Variants in ACACA observed in about 807,000 individuals in gnomAD.
ACACA encodes the protein acetyl-CoA carboxylase 1.
In ACACA, 103 loss-of-function variants were observed where a neutral mutation model predicts 296.1. The ratio of observed to expected loss-of-function variants is 0.35; its 90% CI spans 0.30 to 0.41. ACACA has a LOEUF of 0.41. Among genes scored for constraint, ACACA ranks in the 10% least tolerant of loss-of-function variants. The pLI, the probability that ACACA is intolerant of heterozygous loss-of-function variation, is 1.00. For synonymous variants in ACACA, 953 were observed against 1,038.6 expected (o/e 0.92, Z 1.58); for missense variants, 1,554 against 2,989.7 (o/e 0.52, Z 11.20).
At position 37,230,082 on chromosome 17, in the gene ACACA, A is replaced by AAAATT. The variant is rs531414295; in HGVS notation, c.3247-3635_3247-3631dup. 1.7e-3 allele frequency among the ~76,000 whole-genome samples: 257 copies of AAAATT among 151,028 alleles called. 2 individuals carry two copies. In the South Asian group the frequency reaches 0.018, roughly 10 times the overall value. ...GTCTCAAAATAAAATAAAATAAAAT[A>AAAATT]AAATTAAAATAAATAAATAAGGCCG... On this transcript the variant is annotated intron_variant, in intron 25 of 55. Coordinates refer to ENST00000616317, the MANE Select transcript of ACACA (RefSeq NM_198834.3).
Position 37,188,450 on chromosome 17 carries a change from G to T in ACACA, c.4603C>A (p.Arg1535=). The T allele has an allele frequency of 6.2e-7, 1 of 1,613,138 alleles. No individual in the cohort carries two copies. Among genetic ancestry groups the T allele is most frequent in the South Asian group, 1.1e-5 (1 of 91,022 alleles). The change falls in exon 39 of 56, where the codon CGG becomes AGG. Residue 1535 remains arginine (R), a synonymous_variant. Coordinates refer to ENST00000616317, the MANE Select transcript of ACACA (RefSeq NM_198834.3). The part of the protein sequence containing the change: ...IEESVRSMVM[R]YGSRLWKLRV... Reference sequence around the variant, plus strand: ...AATTTCCACAGGCGACTTCCATACCGCATTACCATGCTCCGCACGGATTCC... The same window carrying T: ...AATTTCCACAGGCGACTTCCATACCTCATTACCATGCTCCGCACGGATTCC...
At chr17:37,179,478 C>A in intron 40 of ACACA, 72 bp from the exon 41 acceptor site, 1 of 1,552,288 alleles carries the variant, frequency 6.4e-7, no homozygotes, top group East Asian at 2.3e-5. Context: ...TATTAAGATT[C>A]AGTCAATCTG....
At chr17:37,204,722 CAAA>C (rs1299452360) in intron 33 of ACACA, among the ~76,000 whole-genome samples, 2 of 152,062 alleles carry the variant, frequency 1.3e-5, no homozygotes, top group South Asian at 2.1e-4. Flanking sequence ...AAGAGGAAGT[CAAA>C]GAAGTATAAT....
At chr17:37,158,833 C>T (rs1414010637) in intron 42 of ACACA, among the ~76,000 whole-genome samples, 1 of 151,972 alleles carries the variant, frequency 6.6e-6, no homozygotes, top group African/African-American at 2.4e-5. Flanking sequence ...ACTTCTTGGT[C>T]CTGCTGCAGC....
chr17:37,106,748 C>T (rs1276135554), intron 52 of ACACA, among the ~76,000 whole-genome samples: 5 of 152,066 alleles, frequency 3.3e-5, no homozygotes, highest in East Asian at 1.9e-4. Context: ...GGTCAGGATA[C>T]GGGGATCTGG....
In ACACA at chr17:37,113,205, C is replaced by G; in HGVS notation, c.6335G>C (p.Cys2112Ser). 1 of 1,614,214 alleles carries G rather than the reference C, an allele frequency of 6.2e-7. No homozygotes were observed. The highest frequency in any genetic ancestry group is 8.5e-7 in the Non-Finnish European group (1 of 1,180,028). The change falls in exon 51 of 56, where the codon TGC becomes TCC. Residue 2112 changes from cysteine (C) to serine (S), a missense_variant. Cys to Ser is a moderately radical substitution (Grantham distance 112, BLOSUM62 -1). Coordinates refer to ENST00000616317, the MANE Select transcript of ACACA (RefSeq NM_198834.3). The surrounding 1 kb of genome is among the most constrained non-coding windows in gnomAD (Gnocchi z 4.0). ...AYIVDGLREC[C>S]QPVLVYIPPQ... ...AGGAATGTAAACCAGCACAGGCTGG[C>G]AGCACTCCCTCAAGCCATCCACAAT...
intron 2 of ACACA, among the ~76,000 whole-genome samples, chr17:37,335,965 C>T (rs1270276071): frequency 6.6e-6 from 1 of 152,078 alleles, no homozygotes; most frequent in East Asian, 1.9e-4. Context: ...AAAGGAGCTG[C>T]AAAACACTGG....
chr17:37,210,890 T>C (rs1181738529), intron 29 of ACACA, among the ~76,000 whole-genome samples: 1 of 152,202 alleles, frequency 6.6e-6, no homozygotes, highest in East Asian at 1.9e-4. Flanking sequence ...TCTTAGAGAC[T>C]CTTCTTTCTT....
At position 37,094,974 on chromosome 17, in the gene ACACA, A is replaced by G. The variant is rs79774259; in HGVS notation, c.6891+2022T>C. ...CCAGGAGCTTGTACACACGTGGTCA[A>G]CTGTTCTCTCCATTGATAAGAGACG... On this transcript the variant is annotated intron_variant, in intron 54 of 55. Transcript: ENST00000616317. Among the ~76,000 whole-genome samples the G allele has an allele frequency of 7.1e-3, 1,088 of 152,360 alleles. 5 individuals are homozygous for G. Among genetic ancestry groups the G allele is most frequent in the African/African-American group, 0.023 (952 of 41,584 alleles).
At chr17:37,217,446 A>G (rs2079058822) in intron 29 of ACACA, among the ~76,000 whole-genome samples, 1 of 151,732 alleles carries the variant, frequency 6.6e-6, no homozygotes, top group Admixed American at 6.6e-5. Context: ...AACACAAAAA[A>G]TTGGTTAAAC....
chr17:37,099,530 A>AT (rs2073209129), intron 52 of ACACA, among the ~76,000 whole-genome samples: 10 of 87,958 alleles, frequency 1.1e-4, no homozygotes, highest in Admixed American at 8.1e-4. Flanking sequence ...GGCTGATGGG[A>AT]GGAGGGCTGA....
At chr17:37,088,304 T>C (rs2072361252) in intron 55 of ACACA, among the ~76,000 whole-genome samples, 2 of 152,142 alleles carry the variant, frequency 1.3e-5, no homozygotes. Context: ...GTAAAGGCCA[T>C]GATATATGTA....
intron 29 of ACACA, among the ~76,000 whole-genome samples, chr17:37,216,894 C>T (rs546749082): frequency 6.6e-5 from 10 of 151,876 alleles, no homozygotes; most frequent in African/African-American, 1.9e-4. Flanking sequence ...GACAGAGTGC[C>T]GTGTTTCACC....
In ACACA at chr17:37,321,314, T is replaced by C. The variant is rs1344210260; in HGVS notation, c.338+8859A>G. On this transcript the variant is annotated intron_variant, in intron 3 of 55. Coordinates refer to ENST00000616317, the MANE Select transcript of ACACA (RefSeq NM_198834.3). ...CCAAGGATAAAGGTCTGCACAGCTT[T>C]ATATGAATTGTGAATGAAAATGAAA... Among the ~76,000 whole-genome samples, 3 of 152,108 alleles carry C rather than the reference T, an allele frequency of 2.0e-5. No homozygotes were observed. In the East Asian group the frequency reaches 5.8e-4, roughly 29 times the overall value.
intron 1 of ACACA, among the ~76,000 whole-genome samples, chr17:37,342,043 C>T (rs1455676996): frequency 6.6e-6 from 1 of 152,000 alleles, no homozygotes; most frequent in Non-Finnish European, 1.5e-5. Context: ...ATCCAGTCTG[C>T]CTACTCAAAT....
chr17:37,316,302 T>TACACACACACACACACACACACACACAC (rs10533479), intron 3 of ACACA, among the ~76,000 whole-genome samples: 7 of 142,506 alleles, frequency 4.9e-5, no homozygotes, highest in Admixed American at 1.4e-4. Context: ...TACCCTTACA[T>TACACACACACACACACACACACACACAC]ACACACACAC....
chr17:37,129,511 A>G (rs1258854435), intron 46 of ACACA, 26 bp from the exon 47 acceptor site: 1 of 1,613,668 alleles, frequency 6.2e-7, no homozygotes, highest in Non-Finnish European at 8.5e-7. Flanking sequence ...AAGAGAGCAC[A>G]GCAATCAGTG....
chr17:37,173,771 A>T (rs977753747), intron 41 of ACACA, among the ~76,000 whole-genome samples: 1 of 150,664 alleles, frequency 6.6e-6, no homozygotes, highest in African/African-American at 2.4e-5. Flanking sequence ...CACCCCTGAG[A>T]ACATAAAGCA....
Position 37,248,721 on chromosome 17 carries a change from A to G in ACACA, c.2082-47T>C, listed in dbSNP as rs374351699. 12 of 1,340,666 alleles carry G rather than the reference A, an allele frequency of 9.0e-6. No individual in the cohort carries two copies. The African/African-American group carries it at 1.7e-4, about 19-fold the overall frequency. 83.0% of individuals were successfully genotyped at this position (1,340,666 alleles called of 1,614,324 possible). A position where few individuals can be genotyped will look rare whatever the true frequency, so the allele number is the denominator to read the frequency against. On this transcript the variant is annotated intron_variant, in intron 16 of 55. Transcript: ENST00000616317. The stretch of plus-strand genomic sequence containing the variant: ...AACTTACTACAAAGTTCTAACAGTT[A>G]TAAGAGAATCTAAAACATTATTGAT...
Sources: allele counts gnomAD v4.1 joint callset (sites outside exome capture counted in the v4.1 genomes callset), GRCh38; gene constraint gnomAD v4.1.1; non-coding constraint Gnocchi (gnomAD v3.1); transcripts MANE v1.5; gene names NCBI Gene and HGNC (gene_info 2026-07-23, HGNC 2026-07-21).